Variants in SYNE2 observed in about 807,000 individuals in gnomAD.
The protein encoded by SYNE2 is spectrin repeat containing nuclear envelope protein 2, also known as nesprin-2.
Under a neutral mutation model 856.3 loss-of-function variants are expected in SYNE2, and 431 were observed. The observed-to-expected ratio is 0.50, with a 90% CI of 0.47 to 0.55. The LOEUF (loss-of-function observed/expected upper bound fraction) is 0.55, where lower values mean the gene tolerates loss of function less well. SYNE2 is among the 20% of genes least tolerant of loss of function. SYNE2 has a pLI of 0.00. For synonymous variants in SYNE2, 2,923 were observed against 2,872.3 expected (o/e 1.02, Z -0.56); for missense variants, 8,129 against 8,023.2 (o/e 1.01, Z -0.50).
chr14:63,884,812 A>G lies in SYNE2; in HGVS notation c.-51-24286A>G, dbSNP rs570945566. On this transcript the variant is annotated intron_variant, in intron 1 of 115. Coordinates refer to ENST00000555002, the MANE Select transcript of SYNE2 (RefSeq NM_182914.3). ...GGAAGCCTTTGAAACATATATATAT[A>G]TATATTTTTAGTAGAGATGGGGTTT... Among the ~76,000 whole-genome samples, 3 of 152,002 alleles carry G rather than the reference A, an allele frequency of 2.0e-5. No homozygotes were observed. In the South Asian group the frequency reaches 6.2e-4, roughly 32 times the overall value.
Position 64,216,290 on chromosome 14 carries a change from G to T in SYNE2, c.19445G>T (p.Ser6482Ile). ...GGCCACTCGTGGCATGTTCCCGACA[G>T]CCCTTCCTGTCCCGAGCATCACTAC... ...SDGHSWHVPD[S>I]PSCPEHHYKQ... is the part of the protein sequence containing the mutation. The change falls in exon 108 of 116, where the codon AGC (serine) becomes ATC (isoleucine). Residue 6482 changes from serine (S) to isoleucine (I), a missense_variant. This residue lies in a region of SYNE2 where 5,410 missense variants were observed against 5,284.8 expected (regional missense o/e 1.02). Coordinates refer to ENST00000555002, the MANE Select transcript of SYNE2 (RefSeq NM_182914.3). The T allele has an allele frequency of 6.2e-7, 1 of 1,614,208 alleles. No individual in the cohort carries two copies. The highest frequency in any genetic ancestry group is 8.5e-7 in the Non-Finnish European group (1 of 1,180,044).
intron 1 of SYNE2, among the ~76,000 whole-genome samples, chr14:63,820,054 C>T (rs1889155687): frequency 6.7e-6 from 1 of 149,994 alleles, no homozygotes; most frequent in Non-Finnish European, 1.5e-5. Flanking sequence ...AATCATGAGC[C>T]AAAAAAAGAC....
At position 63,948,808 on chromosome 14, in the gene SYNE2, A is replaced by C. The variant is rs193176402; in HGVS notation, c.409-1017A>C. On this transcript the variant is annotated intron_variant, in intron 6 of 115. Transcript: ENST00000555002. Reference sequence around the variant, plus strand: ...TATATATATATATATATATATATATATATATATATATATATGTAGCTTAAT... The same window carrying C: ...TATATATATATATATATATATATATCTATATATATATATATGTAGCTTAAT... 1.1e-3 allele frequency among the ~76,000 whole-genome samples: 120 copies of C among 105,698 alleles called. 3 individuals are homozygous for C. The highest frequency in any genetic ancestry group is 4.5e-3 in the African/African-American group (116 of 25,986). The allele number at this position is 105,698 out of a possible 152,430, so 69.3% of individuals were successfully genotyped here.
At chr14:63,926,568 A>G (rs962031762) in intron 2 of SYNE2, among the ~76,000 whole-genome samples, 1 of 152,220 alleles carries the variant, frequency 6.6e-6, no homozygotes, top group Non-Finnish European at 1.5e-5. Flanking sequence ...TGGCTGTTCC[A>G]ATAAAACTGT....
At chr14:63,799,089 G>GT (rs1888033956) in intron 1 of SYNE2, among the ~76,000 whole-genome samples, 1 of 152,142 alleles carries the variant, frequency 6.6e-6, no homozygotes, top group Admixed American at 6.6e-5. Flanking sequence ...GTTTTGTTTT[G>GT]TTTTTATGAG....
intron 11 of SYNE2, among the ~76,000 whole-genome samples, chr14:63,971,384 G>A (rs919822986): frequency 5.9e-5 from 9 of 152,140 alleles, no homozygotes; most frequent in African/African-American, 2.2e-4. Context: ...CTGAAGTGCT[G>A]GGATTACAGA....
In SYNE2 at chr14:64,070,513, A is replaced by G. The variant is rs1207206346; in HGVS notation, c.10432-132A>G. On this transcript the variant is annotated intron_variant, in intron 51 of 115. Coordinates refer to ENST00000555002, the MANE Select transcript of SYNE2 (RefSeq NM_182914.3). The stretch of plus-strand genomic sequence containing the variant: ...TAGTAGAGGATTAATATTCCCAGCT[A>G]TAGGAAAACAGACTAGGATATGGCA... The G allele has an allele frequency of 8.3e-6, 6 of 725,806 alleles. No individual in the cohort carries two copies. The East Asian group carries it at 1.3e-4, about 16-fold the overall frequency. 45.0% of individuals were successfully genotyped at this position (725,806 alleles called of 1,614,324 possible).
chr14:64,202,677 A>G (rs374394626), intron 99 of SYNE2, 124 bp from the exon 100 acceptor site: 1 of 1,292,956 alleles, frequency 7.7e-7, no homozygotes, highest in East Asian at 2.4e-5. Context: ...ATCAAAGCAA[A>G]ATAGATTCTT....
At chr14:64,000,512 G>A (rs1327128631) in intron 27 of SYNE2, 50 bp from the exon 28 acceptor site, 5 of 1,499,872 alleles carry the variant, frequency 3.3e-6, no homozygotes, top group Non-Finnish European at 4.6e-6. Flanking sequence ...CAGAATAATT[G>A]TGTCTATTAA....
At chr14:64,191,057 C>T (rs2139648645) in intron 99 of SYNE2, 1 of 701,918 alleles carries the variant, frequency 1.4e-6, no homozygotes. Context: ...TTTTGAACAA[C>T]ACATAGAATT....
intron 1 of SYNE2, among the ~76,000 whole-genome samples, chr14:63,787,158 T>C (rs1024506340): frequency 1.3e-5 from 2 of 152,206 alleles, no homozygotes; most frequent in Non-Finnish European, 2.9e-5. Context: ...ATATCGACAA[T>C]CTCAAATATT....
intron 66 of SYNE2, among the ~76,000 whole-genome samples, chr14:64,117,623 T>A (rs1483392417): frequency 2.0e-5 from 3 of 152,172 alleles, no homozygotes; most frequent in Non-Finnish European, 2.9e-5. Flanking sequence ...CTATACCTCA[T>A]ATACATATCC....
rs778318698 is a variant in SYNE2 at position 64,137,785 on chromosome 14, A to G, written c.14647-2A>G. ...TCATTCTATGACTTTACTTTTTATT[A>G]GCAAATAAAAAGAAACATTGGTGGA... On this transcript the variant is annotated splice_acceptor_variant, in intron 78 of 115. Transcript: ENST00000555002. LOFTEE classifies it high-confidence loss of function. 7 of 1,613,922 alleles carry G rather than the reference A, an allele frequency of 4.3e-6. No homozygotes were observed. Among genetic ancestry groups the G allele is most frequent in the Non-Finnish European group, 5.9e-6 (7 of 1,179,804 alleles).
chr14:63,928,588 G>A (rs1345240122), intron 2 of SYNE2, among the ~76,000 whole-genome samples: 1 of 152,128 alleles, frequency 6.6e-6, no homozygotes, highest in Non-Finnish European at 1.5e-5. Flanking sequence ...AAAGTAACAG[G>A]CTTTTTCCTG....
intron 98 of SYNE2, 145 bp from the exon 99 acceptor site, chr14:64,189,926 C>T: frequency 3.3e-6 from 3 of 902,900 alleles, no homozygotes; most frequent in Non-Finnish European, 5.0e-6. Context: ...GCTTCCCAAA[C>T]TGCTGGGATT....
rs1152584 is a variant in SYNE2 at position 64,224,763 on chromosome 14, C to T, written c.20469+216C>T. ...CTCTTATAGTGTCGCTAAAGGGGTTCCCTGATTTTGCCATTAAAAACTTCA... is the reference window on the plus strand; with the variant it reads ...CTCTTATAGTGTCGCTAAAGGGGTTTCCTGATTTTGCCATTAAAAACTTCA... On this transcript the variant is annotated intron_variant, in intron 114 of 115. Coordinates refer to ENST00000555002, the MANE Select transcript of SYNE2 (RefSeq NM_182914.3). 0.4 allele frequency among the ~76,000 whole-genome samples: 60,509 copies of T among 151,818 alleles called. 14,320 individuals carry two copies. The highest frequency in any genetic ancestry group is 0.66 in the African/African-American group (27,273 of 41,380).
chr14:63,871,604 A>AT (rs35904188), intron 1 of SYNE2, among the ~76,000 whole-genome samples: 29 of 147,554 alleles, frequency 2.0e-4, no homozygotes, highest in African/African-American at 4.2e-4. Context: ...AAGAGATGTC[A>AT]TTTTTTTTTT....
At chr14:64,115,593 A>G (rs2097848131) in intron 66 of SYNE2, among the ~76,000 whole-genome samples, 1 of 152,128 alleles carries the variant, frequency 6.6e-6, no homozygotes, top group Non-Finnish European at 1.5e-5. Flanking sequence ...CAGGCTCTAA[A>G]TGGATTAAAA....
rs755083856 is a variant in SYNE2 at position 64,122,161 on chromosome 14, A to G, written c.13280+28A>G. 4 of 1,614,092 alleles carry G rather than the reference A, an allele frequency of 2.5e-6. No individual in the cohort carries two copies. In the African/African-American group the frequency reaches 4.0e-5, roughly 16 times the overall value. Reference sequence around the variant, plus strand: ...AAAACATTTAAAAATAGAGTTGGTCATTCAGTGGTTTTATGACTGGGAGAA... The same window carrying G: ...AAAACATTTAAAAATAGAGTTGGTCGTTCAGTGGTTTTATGACTGGGAGAA... On this transcript the variant is annotated intron_variant, in intron 69 of 115. Transcript: ENST00000555002.
Sources: allele counts gnomAD v4.1 joint callset (sites outside exome capture counted in the v4.1 genomes callset), GRCh38; gene constraint gnomAD v4.1.1; regional missense constraint gnomAD v4.1.1; transcripts MANE v1.5; gene names NCBI Gene and HGNC (gene_info 2026-07-23, HGNC 2026-07-21).